Variants in GPC6 observed in about 807,000 individuals in gnomAD.
The protein encoded by GPC6 is glypican 6.
GPC6 carries 14 observed loss-of-function variants against 55.2 expected under a neutral mutation model. The ratio of observed to expected loss-of-function variants is 0.25; its 90% CI spans 0.17 to 0.40. GPC6 has a LOEUF of 0.40. GPC6 is among the 10% of genes least tolerant of loss of function. The pLI is 1.00. For missense variants in GPC6, 641 were observed against 708.5 expected (o/e 0.90, Z 1.08); for synonymous variants, 278 against 259.6 (o/e 1.07, Z -0.68).
chr13:93,401,669 C>G lies in GPC6; in HGVS notation c.161-143594C>G, dbSNP rs115559207. On this transcript the variant is annotated intron_variant, in intron 1 of 8. Transcript: ENST00000377047. The stretch of plus-strand genomic sequence containing the variant: ...AAATCAGCTTCTGAGTGTTATTTTT[C>G]TGTCTTCTTCATGAATGGACTTTTT... Among the ~76,000 whole-genome samples the G allele has an allele frequency of 4.4e-3, 483 of 110,824 alleles. 5 individuals are homozygous for G. Among genetic ancestry groups the G allele is most frequent in the African/African-American group, 0.016 (458 of 29,196 alleles). 72.7% of individuals were successfully genotyped at this position (110,824 alleles called of 152,430 possible).
At chr13:94,369,898 A>G (rs1879463843) in intron 6 of GPC6, among the ~76,000 whole-genome samples, 1 of 152,198 alleles carries the variant, frequency 6.6e-6, no homozygotes, top group South Asian at 2.1e-4. Context: ...GCTGGCAGGT[A>G]ATCAATCATT....
chr13:93,455,582 G>T (rs1297877325), intron 1 of GPC6, among the ~76,000 whole-genome samples: 1 of 151,980 alleles, frequency 6.6e-6, no homozygotes, highest in East Asian at 1.9e-4. Context: ...AAAATCAAGA[G>T]CCAGGAAAGA....
At chr13:93,840,607 A>G (rs916629159) in intron 3 of GPC6, among the ~76,000 whole-genome samples, 2 of 152,042 alleles carry the variant, frequency 1.3e-5, no homozygotes, top group Admixed American at 1.3e-4. Flanking sequence ...CTATTTTTGT[A>G]CCTTCCTACC....
In GPC6 at chr13:93,323,044, T is replaced by C. The variant is rs956018996; in HGVS notation, c.160+95428T>C. 8.5e-5 allele frequency among the ~76,000 whole-genome samples: 13 copies of C among 152,188 alleles called. 1 individual carries two copies. The highest frequency in any genetic ancestry group is 6.3e-3 in the Middle Eastern group (2 of 316). On this transcript the variant is annotated intron_variant, in intron 1 of 8. Transcript: ENST00000377047. ...GATGGCCATGTAATGAGCTTTCCAT[T>C]TACTTTCTGCTAAGATTGGACACAT... is the stretch of plus-strand genomic sequence containing the variant.
intron 1 of GPC6, among the ~76,000 whole-genome samples, chr13:93,489,981 C>G (rs1291110934): frequency 2.0e-5 from 3 of 151,070 alleles, no homozygotes; most frequent in Non-Finnish European, 2.9e-5. Flanking sequence ...CCTGATGGCC[C>G]TGGCCAGAAC....
At chr13:94,312,196 G>A (rs1876282799) in intron 6 of GPC6, among the ~76,000 whole-genome samples, 1 of 152,168 alleles carries the variant, frequency 6.6e-6, no homozygotes, top group Non-Finnish European at 1.5e-5. Flanking sequence ...TGTCTGTTTT[G>A]TATATGAATC....
intron 4 of GPC6, among the ~76,000 whole-genome samples, chr13:94,268,759 A>G (rs1051184847): frequency 2.6e-5 from 4 of 152,214 alleles, no homozygotes; most frequent in African/African-American, 9.6e-5. Context: ...GGCCTGTGAC[A>G]TGGGATGCTT....
intron 4 of GPC6, among the ~76,000 whole-genome samples, chr13:94,076,277 C>G (rs1356257839): frequency 1.3e-5 from 2 of 151,846 alleles, no homozygotes; most frequent in Non-Finnish European, 2.9e-5. Context: ...GGAGAAATGT[C>G]CATTAATGTC....
chr13:94,045,903 A>G (rs116456755), intron 4 of GPC6, among the ~76,000 whole-genome samples: 2,041 of 152,104 alleles, frequency 0.013, 53 homozygotes, highest in South Asian at 0.076. Flanking sequence ...CTTTTCATGC[A>G]TTATTCTATT....
At chr13:94,055,981 C>T (rs1045415773) in intron 4 of GPC6, among the ~76,000 whole-genome samples, 4 of 152,110 alleles carry the variant, frequency 2.6e-5, no homozygotes, top group Non-Finnish European at 5.9e-5. Context: ...CATAGCACCA[C>T]CACCTAACAG....
At chr13:93,785,768 C>T (rs991828398) in intron 2 of GPC6, among the ~76,000 whole-genome samples, 3 of 152,028 alleles carry the variant, frequency 2.0e-5, no homozygotes, top group African/African-American at 7.2e-5. Context: ...CAAGAACAGC[C>T]TGGGCAACAT....
intron 4 of GPC6, among the ~76,000 whole-genome samples, chr13:94,149,586 A>G (rs905110233): frequency 1.3e-5 from 2 of 152,136 alleles, no homozygotes; most frequent in Non-Finnish European, 2.9e-5. Flanking sequence ...TGAGGGTCAG[A>G]ATGTCATGAG....
At chr13:93,725,102 G>C (rs1478586444) in intron 2 of GPC6, among the ~76,000 whole-genome samples, 1 of 152,016 alleles carries the variant, frequency 6.6e-6, no homozygotes. Context: ...GCTAGGTTTA[G>C]TCATTTTTAA....
Position 93,735,212 on chromosome 13 carries a change from T to G in GPC6, c.320-94942T>G, listed in dbSNP as rs376149134. On this transcript the variant is annotated intron_variant, in intron 2 of 8. Coordinates refer to ENST00000377047, the MANE Select transcript of GPC6 (RefSeq NM_005708.5). ...AACTATTTCGTGCATACCTGGTTTC[T>G]GTACCCAGGACTCCAAAGTCTTATG... Among the ~76,000 whole-genome samples the G allele has an allele frequency of 5.3e-5, 8 of 152,310 alleles. No homozygotes were observed. The East Asian group carries it at 7.7e-4, about 15-fold the overall frequency.
At chr13:93,231,380 C>CATATATATATATATATATATATAT (rs1204996148) in intron 1 of GPC6, among the ~76,000 whole-genome samples, 4 of 30,930 alleles carry the variant, frequency 1.3e-4, no homozygotes, top group Non-Finnish European at 2.4e-4. Flanking sequence ...TATATATATA[C>CATATATATATATATATATATATAT]ATATATATAT....
At chr13:93,809,249 C>T (rs898197183) in intron 2 of GPC6, among the ~76,000 whole-genome samples, 2 of 152,102 alleles carry the variant, frequency 1.3e-5, no homozygotes, top group Non-Finnish European at 2.9e-5. Context: ...GGATAGAGTT[C>T]CCAGGATCAG....
chr13:93,282,322 G>A (rs987328198), intron 1 of GPC6, among the ~76,000 whole-genome samples: 1 of 152,040 alleles, frequency 6.6e-6, no homozygotes, highest in Non-Finnish European at 1.5e-5. Flanking sequence ...CATGGAGAAA[G>A]GTCCTTATCT....
chr13:93,262,089 C>T (rs1386107868), intron 1 of GPC6, among the ~76,000 whole-genome samples: 4 of 152,002 alleles, frequency 2.6e-5, no homozygotes, highest in East Asian at 1.9e-4. Context: ...GGAAATAGCC[C>T]CTCAACCCTT....
At chr13:94,312,493 G>T (rs1876298232) in intron 6 of GPC6, among the ~76,000 whole-genome samples, 1 of 152,154 alleles carries the variant, frequency 6.6e-6, no homozygotes, top group South Asian at 2.1e-4. Flanking sequence ...TAAGAAATCA[G>T]GAAACTGTCT....
Sources: allele counts gnomAD v4.1 joint callset (sites outside exome capture counted in the v4.1 genomes callset), GRCh38; gene constraint gnomAD v4.1.1; transcripts MANE v1.5; gene names NCBI Gene and HGNC (gene_info 2026-07-23, HGNC 2026-07-21).